TBC1D12: variants seen among roughly 807,000 people sequenced by gnomAD.
The protein encoded by TBC1D12 is TBC1 domain family member 12.
Under a neutral mutation model 86.7 loss-of-function variants are expected in TBC1D12, and 56 were observed. That is an observed-to-expected ratio of 0.65 (90% CI 0.52 to 0.81). TBC1D12 has a LOEUF of 0.81. Among genes scored for constraint, TBC1D12 ranks in the 30% least tolerant of loss-of-function variants. The pLI is 0.00. For synonymous variants in TBC1D12, 421 were observed against 411.7 expected, an observed-to-expected ratio of 1.02 and a Z score of -0.27; for missense variants, 1,023 against 1,038.8, an observed-to-expected ratio of 0.98 and a Z score of 0.21.
chr10:94,426,987 T>C (rs996069394), intron 1 of TBC1D12, among the ~76,000 whole-genome samples: 1 of 152,162 alleles, frequency 6.6e-6, no homozygotes, highest in African/African-American at 2.4e-5. Flanking sequence ...ATTCACAGAG[T>C]TGTGCAACTA....
intron 6 of TBC1D12, among the ~76,000 whole-genome samples, chr10:94,500,699 G>A (rs2056384078): frequency 6.6e-6 from 1 of 152,100 alleles, no homozygotes; most frequent in Admixed American, 6.6e-5. Flanking sequence ...ACTGGAGGAA[G>A]GCTAAAAGTT....
intron 1 of TBC1D12, among the ~76,000 whole-genome samples, chr10:94,440,448 T>A (rs2055364084): frequency 6.6e-6 from 1 of 152,210 alleles, no homozygotes; most frequent in African/African-American, 2.4e-5. Context: ...GTGTTGGGAT[T>A]ACAGGCATGA....
At chr10:94,527,559 A>G (rs1407021993) in intron 11 of TBC1D12, among the ~76,000 whole-genome samples, 1 of 151,478 alleles carries the variant, frequency 6.6e-6, no homozygotes. Flanking sequence ...TTAGTTTGAT[A>G]TAATCTAAAA....
In TBC1D12 at chr10:94,526,559, A is replaced by G. The variant is rs568876606; in HGVS notation, c.2000+4106A>G. On this transcript the variant is annotated intron_variant, in intron 11 of 12. Transcript: ENST00000225235. ...TTCTATCCATGTTGCCACAAATGAC[A>G]GGATTTCATTCTTTTTTGTGGCTTA... Among the ~76,000 whole-genome samples, 13 of 152,296 alleles carry G rather than the reference A, an allele frequency of 8.5e-5. 1 individual carries two copies. The South Asian group carries it at 2.7e-3, about 32-fold the overall frequency.
intron 1 of TBC1D12, among the ~76,000 whole-genome samples, chr10:94,420,802 T>C (rs890225469): frequency 1.3e-5 from 2 of 152,238 alleles, no homozygotes; most frequent in Non-Finnish European, 2.9e-5. Flanking sequence ...TTGGTTGTTA[T>C]GGATAGTGCT....
chr10:94,528,447 TTGAAGCAATACCCAG>T (rs1842349859), intron 11 of TBC1D12, among the ~76,000 whole-genome samples: 1 of 152,224 alleles, frequency 6.6e-6, no homozygotes, highest in African/African-American at 2.4e-5. Flanking sequence ...GAGTTTGCCT[TTGAAGCAATACCCAG>T]TAGATTATAG....
intron 3 of TBC1D12, among the ~76,000 whole-genome samples, chr10:94,492,217 A>T (rs188491344): frequency 3.1e-4 from 47 of 152,274 alleles, no homozygotes; most frequent in South Asian, 1.0e-3. Flanking sequence ...CCTGGTATAT[A>T]TAGGGTTTGT....
chr10:94,521,238 C>CCAAAAAAAAAAAAAAAAACA (rs1842145576), intron 9 of TBC1D12, among the ~76,000 whole-genome samples: 1 of 122,752 alleles, frequency 8.1e-6, no homozygotes, highest in African/African-American at 3.1e-5. Flanking sequence ...AAAAAAAAAA[C>CCAAAAAAAAAAAAAAAAACA]AAAAAAAAAA....
intron 1 of TBC1D12, among the ~76,000 whole-genome samples, chr10:94,420,220 A>G (rs950259050): frequency 3.3e-5 from 5 of 152,170 alleles, no homozygotes; most frequent in Non-Finnish European, 5.9e-5. Flanking sequence ...CTGCTGCTAT[A>G]TGAGCACACA....
At chr10:94,423,578 C>A (rs1221022544) in intron 1 of TBC1D12, among the ~76,000 whole-genome samples, 1 of 152,012 alleles carries the variant, frequency 6.6e-6, no homozygotes, top group South Asian at 2.1e-4. Context: ...GAACTCCTGA[C>A]CTCAGGTGGT....
At position 94,510,118 on chromosome 10, in the gene TBC1D12, G is replaced by A; in HGVS notation, c.1628G>A (p.Ser543Asn). ...EGVSVADREA[S>N]LELIKLDISR... ...GTATCTGTTGCTGATCGAGAGGCCA[G>A]TCTGGAATTAATTAAGTTGGACATA... The change falls in exon 8 of 13, where the codon AGT becomes AAT. Residue 543 changes from serine (S) to asparagine (N), a missense_variant. This residue lies in a region of TBC1D12 where 395 missense variants were observed against 507.7 expected (regional missense o/e 0.78). Transcript: ENST00000225235. 1 of 1,609,770 alleles carries A rather than the reference G, an allele frequency of 6.2e-7. No homozygotes were observed. Among genetic ancestry groups the A allele is most frequent in the Non-Finnish European group, 8.5e-7 (1 of 1,178,992 alleles).
At chr10:94,409,594 T>G (rs1425913742) in intron 1 of TBC1D12, among the ~76,000 whole-genome samples, 1 of 152,082 alleles carries the variant, frequency 6.6e-6, no homozygotes, top group East Asian at 1.9e-4. Context: ...CAGATTGGTC[T>G]CAAACTCCTG....
chr10:94,472,894 T>C (rs2055929504), intron 2 of TBC1D12, among the ~76,000 whole-genome samples: 1 of 151,998 alleles, frequency 6.6e-6, no homozygotes, highest in Non-Finnish European at 1.5e-5. Flanking sequence ...GCAAGGGAGC[T>C]CTCAGATAAG....
intron 3 of TBC1D12, among the ~76,000 whole-genome samples, chr10:94,487,305 A>G (rs1247971137): frequency 6.9e-6 from 1 of 143,982 alleles, no homozygotes; most frequent in Non-Finnish European, 1.5e-5. Context: ...AGTTTAGTCC[A>G]TTTACATTCA....
intron 1 of TBC1D12, among the ~76,000 whole-genome samples, chr10:94,441,016 AT>A (rs1489375889): frequency 6.6e-6 from 1 of 151,820 alleles, no homozygotes; most frequent in Non-Finnish European, 1.5e-5. Context: ...CGCTTGGCTA[AT>A]TTTTGTATTT....
chr10:94,503,570 A>G (rs71482309), intron 6 of TBC1D12, among the ~76,000 whole-genome samples: 1 of 152,158 alleles, frequency 6.6e-6, no homozygotes, highest in African/African-American at 2.4e-5. Context: ...TGATTTTAAA[A>G]TTTGATTTTC....
Position 94,479,853 on chromosome 10 carries a change from G to A in TBC1D12, c.1211+5070G>A, listed in dbSNP as rs77013085. ...GTAGCCTAAATATGCAAGAATTTAA[G>A]TATGTAAGTAGCCCAAATTAAGTAG... On this transcript the variant is annotated intron_variant, in intron 3 of 12. Coordinates refer to ENST00000225235, the MANE Select transcript of TBC1D12 (RefSeq NM_015188.2). Among the ~76,000 whole-genome samples, 1,152 of 152,282 alleles carry A rather than the reference G, an allele frequency of 7.6e-3. 14 individuals carry two copies. Among genetic ancestry groups the A allele is most frequent in the African/African-American group, 0.026 (1,101 of 41,552 alleles).
At chr10:94,516,248 A>G (rs1226049020) in intron 9 of TBC1D12, among the ~76,000 whole-genome samples, 2 of 152,260 alleles carry the variant, frequency 1.3e-5, no homozygotes, top group South Asian at 2.1e-4. Context: ...AATTAGCTTT[A>G]TTTCTGATAT....
intron 2 of TBC1D12, among the ~76,000 whole-genome samples, chr10:94,465,629 G>C (rs558145703): frequency 2.7e-5 from 4 of 149,514 alleles, no homozygotes; most frequent in Non-Finnish European, 4.4e-5. Flanking sequence ...CTGGGCGACA[G>C]AGCAAGACTC....
Sources: gnomAD v4.1 joint callset for allele counts (sites outside exome capture counted in the v4.1 genomes callset) on GRCh38, gnomAD v4.1.1 for gene constraint, gnomAD v4.1.1 regional missense constraint, MANE v1.5 for transcripts, NCBI Gene and HGNC (gene_info 2026-07-23, HGNC 2026-07-21) for gene names.